The following EPHA8 variants were observed in gnomAD, a reference collection of about 807,000 sequenced individuals.
EPHA8 encodes EPH receptor A8.
In EPHA8, 58 loss-of-function variants were observed where a neutral mutation model predicts 103.6. The ratio of observed to expected loss-of-function variants is 0.56; its 90% CI spans 0.45 to 0.70. EPHA8 has a LOEUF of 0.70. EPHA8 is among the 30% of genes least tolerant of loss of function. The probability of loss-of-function intolerance (pLI) is 0.00; values close to 1 mark genes in which losing one functional copy is unlikely to be tolerated. For synonymous variants in EPHA8, 559 were observed against 572.5 expected (o/e 0.98, Z 0.34); for missense variants, 1,304 against 1,395.2 (o/e 0.93, Z 1.04).
chr1:22,599,651 GAAGGA>G (rs1434414655), intron 13 of EPHA8, among the ~76,000 whole-genome samples: 28 of 58,668 alleles, frequency 4.8e-4, no homozygotes, highest in African/African-American at 1.4e-3. Flanking sequence ...GGGAGGGAAG[GAAGGA>G]AAGGAGGGAG....
In EPHA8 at chr1:22,601,824, GCAGGGCGGCCC is replaced by G. The variant is rs1235865314; in HGVS notation, c.*88_*98del. 1 of 1,336,222 alleles carries G rather than the reference GCAGGGCGGCCC, an allele frequency of 7.5e-7. No homozygotes were observed. The highest frequency in any genetic ancestry group is 1.0e-6 in the Non-Finnish European group (1 of 967,574). The allele number at this position is 1,336,222 out of a possible 1,614,324, so 82.8% of individuals were successfully genotyped here. On this transcript the variant is annotated 3_prime_UTR_variant, in exon 17 of 17. Coordinates refer to ENST00000166244, the MANE Select transcript of EPHA8 (RefSeq NM_020526.5). ...AGAGGACGTGAGGGGCTGGCAGCAG[GCAGGGCGGCCC>G]CAGGCCTCTGCCCTCCTCTCAGGTG...
chr1:22,568,599 G>A (rs1446341253), intron 1 of EPHA8, among the ~76,000 whole-genome samples: 1 of 152,212 alleles, frequency 6.6e-6, no homozygotes, highest in Non-Finnish European at 1.5e-5. Flanking sequence ...GTGCAGATGA[G>A]GCATCTCAAG....
chr1:22,586,272 T>G (rs979065114), intron 3 of EPHA8, among the ~76,000 whole-genome samples: 1 of 152,108 alleles, frequency 6.6e-6, no homozygotes, highest in African/African-American at 2.4e-5. Flanking sequence ...CTGCCCTGAC[T>G]GGCTGTGGAA....
intron 4 of EPHA8, among the ~76,000 whole-genome samples, chr1:22,588,108 T>C (rs1327430745): frequency 2.0e-5 from 3 of 152,224 alleles, no homozygotes; most frequent in African/African-American, 7.2e-5. Flanking sequence ...AATTCTCTTC[T>C]CTTCAAATTG....
chr1:22,585,052 C>CGCGCGCGCGTGCGCGCGT (rs147149954), intron 3 of EPHA8, among the ~76,000 whole-genome samples: 30 of 144,470 alleles, frequency 2.1e-4, no homozygotes, highest in African/African-American at 7.3e-4. Context: ...TGTGTGTGTG[C>CGCGCGCGCGTGCGCGCGT]GCACGCGTGT....
At chr1:22,593,224 G>A (rs2148259144) in intron 5 of EPHA8, 102 bp from the exon 6 acceptor site, 1 of 1,476,204 alleles carries the variant, frequency 6.8e-7, no homozygotes, top group South Asian at 1.3e-5. Flanking sequence ...AGGAAGCTGA[G>A]CAGGGCTGGA....
rs1237537080 is a variant in EPHA8, at chr1:22,567,265, C to T, written c.95-2024C>T. Among the ~76,000 whole-genome samples the T allele has an allele frequency of 3.4e-5, 5 of 148,826 alleles. No homozygotes were observed. Among genetic ancestry groups the T allele is most frequent in the Non-Finnish European group, 7.4e-5 (5 of 67,950 alleles). On this transcript the variant is annotated intron_variant, in intron 1 of 16. Coordinates refer to ENST00000166244, the MANE Select transcript of EPHA8 (RefSeq NM_020526.5). This position sits in a 1 kb window ranked among gnomAD's most constrained non-coding sequence, Gnocchi z 4.2. ...GCGGGGTGGGGCGGGGGGACCCATA[C>T]GTGTGTGTCCTTCCCTCACCATCTC...
At chr1:22,581,864 A>C (rs944984353) in intron 3 of EPHA8, among the ~76,000 whole-genome samples, 1 of 152,224 alleles carries the variant, frequency 6.6e-6, no homozygotes, top group Non-Finnish European at 1.5e-5. Context: ...TTTAAGTCGC[A>C]CAAGGAAAGA....
chr1:22,593,989 C>A (rs1352541114), intron 7 of EPHA8, among the ~76,000 whole-genome samples: 1 of 152,226 alleles, frequency 6.6e-6, no homozygotes, highest in Non-Finnish European at 1.5e-5. Flanking sequence ...CCTGCCACCA[C>A]ACCCGGCTAA....
chr1:22,593,601 C>A lies in EPHA8; in HGVS notation c.1518C>A (p.Thr506=), dbSNP rs56157621. The change falls in exon 7 of 17, where the codon ACC becomes ACA. Residue 506 remains threonine, a synonymous_variant. Coordinates refer to ENST00000166244, the MANE Select transcript of EPHA8 (RefSeq NM_020526.5). ...CCGTCTCCGGCCTCAAGCCGGGCAC[C>A]CGCTACGTGTTCCAGGTCCGAGCCC... ...RATVSGLKPG[T]RYVFQVRART... is the part of the protein sequence containing the mutation. 2 of 1,611,292 alleles carry A rather than the reference C, an allele frequency of 1.2e-6. No individual in the cohort carries two copies. Among genetic ancestry groups the A allele is most frequent in the South Asian group, 2.2e-5 (2 of 90,734 alleles).
chr1:22,600,564 A>G (rs1641694123), intron 13 of EPHA8, 97 bp from the exon 14 acceptor site: 1 of 1,509,206 alleles, frequency 6.6e-7, no homozygotes, highest in Non-Finnish European at 9.0e-7. Context: ...TCTGGACTGG[A>G]AAACAGGACC....
rs766636647 is a variant in EPHA8, at chr1:22,576,583, C to T, written c.526C>T (p.Leu176Phe). The part of the protein sequence containing the change: ...LNTEVRSVGP[L>F]SKRGFYLAFQ... ...CACGGAGGTGCGCAGTGTGGGTCCC[C>T]TCAGCAAGCGCGGCTTCTACCTGGC... The change falls in exon 3 of 17, where the codon CTC becomes TTC. Residue 176 changes from leucine to phenylalanine, a missense_variant. Transcript: ENST00000166244. This position sits in a 1 kb window ranked among gnomAD's most constrained non-coding sequence, Gnocchi z 4.8. 10 of 1,614,028 alleles carry T rather than the reference C, an allele frequency of 6.2e-6. No homozygotes were observed. In the Admixed American group the frequency reaches 1.0e-4, roughly 16 times the overall value.
chr1:22,578,583 A>T (rs1214935854), intron 3 of EPHA8, among the ~76,000 whole-genome samples: 1 of 128,182 alleles, frequency 7.8e-6, no homozygotes, highest in Non-Finnish European at 1.6e-5. Context: ...GCATGTGTGC[A>T]TGAATGCGTG....
chr1:22,600,512 C>T, intron 13 of EPHA8, 149 bp from the exon 14 acceptor site: 1 of 1,113,448 alleles, frequency 9.0e-7, no homozygotes, highest in Non-Finnish European at 1.3e-6. Flanking sequence ...TGAGGCCTCC[C>T]TCAGGACAGG....
chr1:22,599,010 TG>T lies in EPHA8; in HGVS notation c.2352del (p.Leu785TrpfsTer58). On this transcript the variant is annotated frameshift_variant, in exon 13 of 17. Transcript: ENST00000166244. LOFTEE classifies it high-confidence loss of function. Reference sequence around the variant, plus strand: ...GTGTCTGACTTCGGGCTCTCACGGGTGCTGGAGGACGACCCGGATGCTGCCT... The same window carrying T: ...GTGTCTGACTTCGGGCTCTCACGGGTCTGGAGGACGACCCGGATGCTGCCT... The part of the protein sequence containing the change: ...CKVSDFGLSR[V>X]LEDDPDAAYT... The T allele has an allele frequency of 1.9e-6, 3 of 1,610,312 alleles. No homozygotes were observed. The highest frequency in any genetic ancestry group is 2.5e-6 in the Non-Finnish European group (3 of 1,179,188).
At position 22,601,100 on chromosome 1, in the gene EPHA8, C is replaced by T; in HGVS notation, c.2729+12C>T. On this transcript the variant is annotated intron_variant, in intron 15 of 16. Coordinates refer to ENST00000166244, the MANE Select transcript of EPHA8 (RefSeq NM_020526.5). The stretch of plus-strand genomic sequence containing the variant: ...GCCACAGTCAGCAGGTGCCTTGTGC[C>T]CACCCCAGCTCCTTGAGGCCCAGCT... 1 of 1,595,738 alleles carries T rather than the reference C, an allele frequency of 6.3e-7. No individual in the cohort carries two copies. The highest frequency in any genetic ancestry group is 1.1e-5 in the South Asian group (1 of 87,810).
Position 22,567,751 on chromosome 1 carries a change from C to G in EPHA8, c.95-1538C>G, listed in dbSNP as rs1358051163. Among the ~76,000 whole-genome samples, 1 of 152,148 alleles carries G rather than the reference C, an allele frequency of 6.6e-6. No homozygotes were observed. Among genetic ancestry groups the G allele is most frequent in the Non-Finnish European group, 1.5e-5 (1 of 68,020 alleles). On this transcript the variant is annotated intron_variant, in intron 1 of 16. Coordinates refer to ENST00000166244, the MANE Select transcript of EPHA8 (RefSeq NM_020526.5). This position sits in a 1 kb window ranked among gnomAD's most constrained non-coding sequence, Gnocchi z 4.2. ...ATGCAAATCTCAGGCAGAAGGACAC[C>G]CAGCCTCCCCACGGGAAAGTTCCAG...
Position 22,593,425 on chromosome 1 carries a change from A to C in EPHA8, c.1415A>C (p.Glu472Ala). The C allele has an allele frequency of 6.2e-7, 1 of 1,608,512 alleles. No individual in the cohort carries two copies. ...EPEQPNGIILEYEIKYYEKDK... is the reference protein window; with the variant it reads ...EPEQPNGIILAYEIKYYEKDK... ...GAGCAGCCGAACGGCATCATCCTGGAGTATGAGATCAAGTACTACGAGAAG... is the reference window on the plus strand; with the variant it reads ...GAGCAGCCGAACGGCATCATCCTGGCGTATGAGATCAAGTACTACGAGAAG... Residue 472 changes from glutamate to alanine, a missense_variant, in exon 6 of 17, where the codon GAG becomes GCG. By Grantham distance (107) the Glu-to-Ala change is moderately radical. Transcript: ENST00000166244.
At chr1:22,594,387 G>A (rs1249727175) in intron 7 of EPHA8, among the ~76,000 whole-genome samples, 1 of 152,224 alleles carries the variant, frequency 6.6e-6, no homozygotes, top group Non-Finnish European at 1.5e-5. Flanking sequence ...TGAGTGTCAG[G>A]GTCTGGGACC....
Sources: allele counts gnomAD v4.1 joint callset (sites outside exome capture counted in the v4.1 genomes callset), GRCh38; gene constraint gnomAD v4.1.1; non-coding constraint Gnocchi (gnomAD v3.1); transcripts MANE v1.5; gene names NCBI Gene and HGNC (gene_info 2026-07-23, HGNC 2026-07-21).